UGT1A4: variants seen among roughly 807,000 people sequenced by gnomAD.
The protein encoded by UGT1A4 is UDP glucuronosyltransferase family 1 member A4.
A neutral mutation model predicts 41.1 loss-of-function variants in UGT1A4; 32 were observed. The observed-to-expected ratio is 0.78, with a 90% confidence interval of 0.59 to 1.05. The LOEUF is 1.05. Among genes scored for constraint, UGT1A4 ranks in the 50% least tolerant of loss-of-function variants. The pLI is 0.00. For synonymous variants in UGT1A4, 283 were observed against 265.1 expected, an observed-to-expected ratio of 1.07 and a Z score of -0.66; for missense variants, 748 against 677.4, an observed-to-expected ratio of 1.10 and a Z score of -1.16.
At chr2:233,753,783 C>T (rs544247097) in intron 1 of UGT1A4, 5 of 152,330 alleles carry the variant, frequency 3.3e-5, no homozygotes, top group Non-Finnish European at 4.4e-5. Context: ...CTTTTCTTTA[C>T]ATTTCCAGGA....
chr2:233,745,632 G>A (rs1693165975), intron 1 of UGT1A4, among the ~76,000 whole-genome samples: 1 of 151,552 alleles, frequency 6.6e-6, no homozygotes, highest in Non-Finnish European at 1.5e-5. Flanking sequence ...GTCATAGAAA[G>A]CTGGCCGAGG....
chr2:233,755,079 A>C, intron 1 of UGT1A4: 1 of 1,336,770 alleles, frequency 7.5e-7, no homozygotes, highest in Non-Finnish European at 1.0e-6. Flanking sequence ...GCGGTCATAG[A>C]TATCGCGTTT....
chr2:233,743,312 T>A, intron 1 of UGT1A4: 2 of 657,664 alleles, frequency 3.0e-6, no homozygotes, highest in South Asian at 1.5e-5. Context: ...TTGGTGGTGA[T>A]TTTTTTACCA....
intron 1 of UGT1A4, among the ~76,000 whole-genome samples, chr2:233,731,894 C>G (rs1470586397): frequency 6.6e-6 from 1 of 152,238 alleles, no homozygotes; most frequent in Non-Finnish European, 1.5e-5. Context: ...AATTTACACT[C>G]CCACCAATGG....
intron 1 of UGT1A4, chr2:233,741,807 T>C (rs561601493): frequency 6.6e-6 from 1 of 152,052 alleles, no homozygotes; most frequent in South Asian, 2.1e-4. Context: ...ATGCTGCTCT[T>C]AATTTTTTTC....
intron 1 of UGT1A4, among the ~76,000 whole-genome samples, chr2:233,728,596 G>A (rs2077730910): frequency 6.6e-6 from 1 of 152,160 alleles, no homozygotes; most frequent in South Asian, 2.1e-4. Flanking sequence ...AAACCACATA[G>A]CCAGCCTCCA....
At chr2:233,766,358 C>G (rs1222221070) in intron 1 of UGT1A4, among the ~76,000 whole-genome samples, 1 of 152,148 alleles carries the variant, frequency 6.6e-6, no homozygotes, top group Non-Finnish European at 1.5e-5. Context: ...CTGCCGGTGC[C>G]TGTTGGTGAG....
chr2:233,728,786 G>A (rs944510935), intron 1 of UGT1A4, among the ~76,000 whole-genome samples: 1 of 152,188 alleles, frequency 6.6e-6, no homozygotes, highest in Non-Finnish European at 1.5e-5. Context: ...GATAAACATG[G>A]TTAACAGAGA....
chr2:233,743,340 A>AGTCGAC, intron 1 of UGT1A4: 1 of 778,214 alleles, frequency 1.3e-6, no homozygotes, highest in Non-Finnish European at 2.0e-6. Flanking sequence ...TTTCAGTGGA[A>AGTCGAC]GTCGACATGG....
In UGT1A4 at chr2:233,760,233, CAT is replaced by C. The variant is rs3064744; in HGVS notation, c.868-6787_868-6786del. ...ACTTGGTGTATCGATTGGTTTTTGCCATATATATATATATAAGTAGGAGAGGG... is the reference window on the plus strand; with the variant it reads ...ACTTGGTGTATCGATTGGTTTTTGCCATATATATATATAAGTAGGAGAGGG... On this transcript the variant is annotated intron_variant, in intron 1 of 4. Coordinates refer to ENST00000373409, the MANE Select transcript of UGT1A4 (RefSeq NM_007120.3). 6.6e-3 allele frequency: 9,509 copies of C among 1,449,924 alleles called. 210 individuals carry two copies. The African/African-American group carries it at 0.077, about 12-fold the overall frequency. The allele number at this position is 1,449,924 out of a possible 1,614,324, so 89.8% of individuals were successfully genotyped here.
chr2:233,745,639 G>T (rs182919627), intron 1 of UGT1A4, among the ~76,000 whole-genome samples: 1 of 151,500 alleles, frequency 6.6e-6, no homozygotes, highest in South Asian at 2.1e-4. Context: ...AAAGCTGGCC[G>T]AGGGTAGAGT....
At chr2:233,726,183 T>C (rs1209436998) in intron 1 of UGT1A4, among the ~76,000 whole-genome samples, 1 of 152,174 alleles carries the variant, frequency 6.6e-6, no homozygotes, top group Admixed American at 6.5e-5. Flanking sequence ...TAAAAATTTC[T>C]TTGGCATATG....
chr2:233,742,393 A>G (rs1691967380), intron 1 of UGT1A4, among the ~76,000 whole-genome samples: 1 of 151,992 alleles, frequency 6.6e-6, no homozygotes, highest in African/African-American at 2.4e-5. Context: ...GGCTCATGTT[A>G]TTATTTGTAG....
At chr2:233,766,435 T>C (rs913964749) in intron 1 of UGT1A4, among the ~76,000 whole-genome samples, 5 of 152,184 alleles carry the variant, frequency 3.3e-5, no homozygotes, top group African/African-American at 1.2e-4. Flanking sequence ...TCCAGCTACC[T>C]GTGTGTCTGC....
intron 1 of UGT1A4, chr2:233,752,526 A>C (rs1482911253): frequency 2.0e-5 from 3 of 152,234 alleles, no homozygotes; most frequent in Non-Finnish European, 4.4e-5. Context: ...AATTCTAAAA[A>C]TTCTTTAAAT....
At chr2:233,729,375 G>A (rs148006660) in intron 1 of UGT1A4, 162 of 1,614,004 alleles carry the variant, frequency 1.0e-4, no homozygotes, top group African/African-American at 2.0e-4. Flanking sequence ...ATGCCATTTC[G>A]TGGACCCAGG....
chr2:233,739,008 T>C (rs1430369611), intron 1 of UGT1A4: 2 of 152,268 alleles, frequency 1.3e-5, no homozygotes, highest in Admixed American at 6.5e-5. Context: ...TGTGTCCCAG[T>C]GGCTCCAGCC....
At chr2:233,747,791 T>C in intron 1 of UGT1A4, 7 of 1,613,564 alleles carry the variant, frequency 4.3e-6, no homozygotes, top group Non-Finnish European at 5.9e-6. Context: ...CTTCCTCCTA[T>C]ATTCCTAAGT....
chr2:233,729,996 C>A (rs766095782), intron 1 of UGT1A4: 2 of 1,613,996 alleles, frequency 1.2e-6, no homozygotes, highest in Non-Finnish European at 1.7e-6. Flanking sequence ...TATCTCAGGT[C>A]TGTATTGGTG....
Sources: gnomAD v4.1 joint callset for allele counts (sites outside exome capture counted in the v4.1 genomes callset) on GRCh38, gnomAD v4.1.1 for gene constraint, MANE v1.5 for transcripts, NCBI Gene and HGNC (gene_info 2026-07-23, HGNC 2026-07-21) for gene names.